LTA: variants seen among roughly 807,000 people sequenced by gnomAD.
LTA encodes the protein lymphotoxin alpha.
A neutral mutation model predicts 15.1 loss-of-function variants in LTA; 6 were observed. The observed-to-expected ratio is 0.40, with a 90% CI of 0.22 to 0.78. LTA has a LOEUF of 0.78. Ranked by LOEUF, LTA falls within the 30% of genes least tolerant of loss-of-function variation. The pLI is 0.38. For synonymous variants in LTA, 87 were observed against 107.3 expected (o/e 0.81, Z 1.17); for missense variants, 173 against 249.5 (o/e 0.69, Z 2.06).
At chr6:31,564,576 C>T in the LTA span, among the ~76,000 whole-genome samples, 1 of 151,868 alleles carries the variant, frequency 6.6e-6, no homozygotes, top group Non-Finnish European at 1.5e-5. Flanking sequence ...AGCCACTGCG[C>T]CCAGCCGATC....
the LTA span, among the ~76,000 whole-genome samples, chr6:31,560,848 GCC>G: frequency 6.6e-6 from 1 of 152,128 alleles, no homozygotes; most frequent in Admixed American, 6.5e-5. Flanking sequence ...GCATTATGTA[GCC>G]CAAAGATAAA....
the LTA span, among the ~76,000 whole-genome samples, chr6:31,564,583 G>A: frequency 8.7e-5 from 13 of 150,206 alleles, no homozygotes; most frequent in Non-Finnish European, 1.6e-4. Context: ...GCGCCCAGCC[G>A]ATCTTTGTGG....
At chr6:31,563,770 G>C in the LTA span, among the ~76,000 whole-genome samples, 7 of 152,120 alleles carry the variant, frequency 4.6e-5, no homozygotes, top group Non-Finnish European at 1.0e-4. Context: ...ATCACGCCCA[G>C]CTAATTTTTG....
At chr6:31,572,706 C>CTG (rs1770908665) in intron 1 of LTA, 28 bp from the exon 2 acceptor site, 398 of 460,834 alleles carry the variant, frequency 8.6e-4, no homozygotes, top group Non-Finnish European at 1.1e-3. Context: ...CGCTCACTGT[C>CTG]TCTCTCTCTC....
chr6:31,572,658 C>CGTATCATGAAAAAA, intron 1 of LTA, 76 bp from the exon 2 acceptor site: 2 of 1,039,754 alleles, frequency 1.9e-6, no homozygotes, highest in Non-Finnish European at 2.9e-6. Context: ...TGCTCTCTCC[C>CGTATCATGAAAAAA]AGGGCGGGAG....
chr6:31,567,164 A>G (rs1487262718), upstream of LTA, among the ~76,000 whole-genome samples: 1 of 151,890 alleles, frequency 6.6e-6, no homozygotes, highest in Non-Finnish European at 1.5e-5. Flanking sequence ...GAATGGTGGC[A>G]TGCACCTGTA....
At chr6:31,561,558 T>G in the LTA span, among the ~76,000 whole-genome samples, 97,130 of 151,120 alleles carry the variant, frequency 0.64, 31,560 homozygotes, top group African/African-American at 0.74. Context: ...GGGTGTGGTC[T>G]TGGGCACCTG....
At chr6:31,561,975 C>T in the LTA span, among the ~76,000 whole-genome samples, 2 of 151,774 alleles carry the variant, frequency 1.3e-5, no homozygotes, top group Non-Finnish European at 2.9e-5. Context: ...GGCATCATTC[C>T]CTTCCCAGTA....
At position 31,573,375 on chromosome 6, in the gene LTA, G is replaced by T. The variant is rs373019200; in HGVS notation, c.300G>T (p.Leu100=). The T allele has an allele frequency of 1.1e-5, 18 of 1,613,448 alleles. No homozygotes were observed. The African/African-American group carries it at 2.0e-4, about 18-fold the overall frequency. The part of the protein sequence containing the change: ...DGFSLSNNSL[L]VPTSGIYFVY... The stretch of plus-strand genomic sequence containing the variant: ...TCTCCTTGAGCAACAATTCTCTCCT[G>T]GTCCCCACCAGTGGCATCTACTTCG... Residue 100 remains leucine, a synonymous_variant, in exon 4 of 4, where the codon CTG becomes CTT. Transcript: ENST00000418386.
At chr6:31,562,878 A>T in the LTA span, among the ~76,000 whole-genome samples, 2 of 119,616 alleles carry the variant, frequency 1.7e-5, no homozygotes, top group Admixed American at 8.6e-5. Flanking sequence ...AAAAAAAAAA[A>T]GCCCAGGTGC....
At chr6:31,564,770 C>T in the LTA span, among the ~76,000 whole-genome samples, 7 of 151,064 alleles carry the variant, frequency 4.6e-5, no homozygotes, top group South Asian at 2.1e-4. Flanking sequence ...AAAACTTAGC[C>T]GGGCACGGTG....
chr6:31,572,709 T>TGG, intron 1 of LTA, 25 bp from the exon 2 acceptor site: 2 of 1,528,918 alleles, frequency 1.3e-6, no homozygotes, highest in Non-Finnish European at 1.8e-6. Context: ...TCACTGTCTC[T>TGG]CTCTCTCTCT....
At chr6:31,573,209 A>G (rs1770957524) in intron 3 of LTA, 72 bp from the exon 4 acceptor site, 4 of 1,466,238 alleles carry the variant, frequency 2.7e-6, no homozygotes, top group African/African-American at 3.0e-5. Context: ...TTCAGTGCCC[A>G]CTTCCTCAGG....
At chr6:31,573,114 CT>C in intron 3 of LTA, 81 bp downstream of exon 3, 6 of 1,313,310 alleles carry the variant, frequency 4.6e-6, no homozygotes, top group South Asian at 2.4e-5. Context: ...GCATCCACCC[CT>C]CTCCCCCAAC....
At chr6:31,567,676 ACGCACGCATG>A (rs1307784115), upstream of LTA, among the ~76,000 whole-genome samples, 3 of 27,374 alleles carry the variant, frequency 1.1e-4, no homozygotes, top group South Asian at 1.8e-3. Flanking sequence ...ACACACACAC[ACGCACGCATG>A]CACGCACCAC....
the LTA span, among the ~76,000 whole-genome samples, chr6:31,561,160 A>G: frequency 3.9e-5 from 6 of 152,176 alleles, no homozygotes; most frequent in African/African-American, 7.2e-5. Context: ...GAAGAAGCAC[A>G]GGTGTGAGGG....
At chr6:31,568,009 G>T (rs1421777716), upstream of LTA, among the ~76,000 whole-genome samples, 1 of 152,120 alleles carries the variant, frequency 6.6e-6, no homozygotes, top group Admixed American at 6.5e-5. This position sits in a 1 kb window ranked among gnomAD's most constrained non-coding sequence, Gnocchi z 4.1. Flanking sequence ...ACTCAAAGAG[G>T]ATTTTGCTGA....
upstream of LTA, among the ~76,000 whole-genome samples, chr6:31,571,516 A>G (rs1770829124): frequency 6.6e-6 from 1 of 152,198 alleles, no homozygotes; most frequent in African/African-American, 2.4e-5. Flanking sequence ...TGTCTGCCAC[A>G]TTGATCCTGG....
At chr6:31,562,881 C>T in the LTA span, among the ~76,000 whole-genome samples, 1 of 134,934 alleles carries the variant, frequency 7.4e-6, no homozygotes, top group Admixed American at 7.8e-5. Context: ...AAAAAAAAGC[C>T]CAGGTGCGGT....
Sources: allele counts gnomAD v4.1 joint callset (sites outside exome capture counted in the v4.1 genomes callset), GRCh38; gene constraint gnomAD v4.1.1; non-coding constraint Gnocchi (gnomAD v3.1); transcripts MANE v1.5; gene names NCBI Gene and HGNC (gene_info 2026-07-23, HGNC 2026-07-21).